The following NCK2 variants were observed in gnomAD, a reference collection of about 807,000 sequenced individuals.
The protein encoded by NCK2 is cytoplasmic protein NCK2.
A neutral mutation model predicts 33.9 loss-of-function variants in NCK2; 16 were observed. The observed-to-expected ratio is 0.47, with a 90% CI of 0.32 to 0.72. NCK2 has a LOEUF of 0.72. Among genes scored for constraint, NCK2 ranks in the 30% least tolerant of loss-of-function variants. The probability of loss-of-function intolerance (pLI) is 0.03; values close to 1 mark genes in which losing one functional copy is unlikely to be tolerated. For missense variants in NCK2, 418 were observed against 537.3 expected, an observed-to-expected ratio of 0.78 and a Z score of 2.19; for synonymous variants, 273 against 239.9, an observed-to-expected ratio of 1.14 and a Z score of -1.27.
rs547469297 is a variant in NCK2, at chr2:105,867,223, CTG to C, written c.226+11937_226+11938del. On this transcript the variant is annotated intron_variant, in intron 3 of 4. Coordinates refer to ENST00000233154, the MANE Select transcript of NCK2 (RefSeq NM_003581.5). ...TCTTTATCACGCTAAGACAAGGACT[CTG>C]TGGGTTTTCAGAGATGCATTTAATA... Among the ~76,000 whole-genome samples the C allele has an allele frequency of 1.2e-4, 18 of 152,326 alleles. No individual in the cohort carries two copies. The South Asian group carries it at 1.9e-3, about 16-fold the overall frequency.
At chr2:105,818,712 C>T (rs972842035) in intron 2 of NCK2, among the ~76,000 whole-genome samples, 5 of 152,066 alleles carry the variant, frequency 3.3e-5, no homozygotes, top group Non-Finnish European at 7.4e-5. Flanking sequence ...TAATTTGCTT[C>T]TATTATTTGC....
rs537631340 is a variant in NCK2, at chr2:105,775,486, C to G, written c.-201+30348C>G. ...TTGAACTTAATCATTTTTCCTCTGA[C>G]TTGCTTATTTTTTTCAGTTGTCATT... On this transcript the variant is annotated intron_variant, in intron 1 of 4. Transcript: ENST00000233154. 2.6e-5 allele frequency among the ~76,000 whole-genome samples: 4 copies of G among 152,208 alleles called. No homozygotes were observed. The South Asian group carries it at 8.3e-4, about 32-fold the overall frequency.
At chr2:105,806,851 C>G (rs566662018) in intron 1 of NCK2, among the ~76,000 whole-genome samples, 3 of 152,168 alleles carry the variant, frequency 2.0e-5, no homozygotes, top group Non-Finnish European at 4.4e-5. Context: ...AAAAACCCAA[C>G]CAACCATCCT....
chr2:105,750,848 A>G (rs574526355), intron 1 of NCK2, among the ~76,000 whole-genome samples: 8 of 152,358 alleles, frequency 5.3e-5, no homozygotes, highest in Non-Finnish European at 1.0e-4. Context: ...GAGCAAAGCA[A>G]GAGGTGGGGC....
At chr2:105,856,113 C>A (rs769652105) in intron 3 of NCK2, among the ~76,000 whole-genome samples, 1 of 152,176 alleles carries the variant, frequency 6.6e-6, no homozygotes, top group South Asian at 2.1e-4. Flanking sequence ...GGATTACAGG[C>A]GTGAGCCACC....
chr2:105,869,026 A>G (rs1288719081), intron 3 of NCK2, among the ~76,000 whole-genome samples: 1 of 152,100 alleles, frequency 6.6e-6, no homozygotes, highest in African/African-American at 2.4e-5. Flanking sequence ...TGTCTCAGTA[A>G]CGTTTGTTTG....
intron 3 of NCK2, among the ~76,000 whole-genome samples, chr2:105,879,490 A>G (rs571842102): frequency 2.0e-5 from 3 of 152,400 alleles, no homozygotes; most frequent in Middle Eastern, 3.4e-3. Context: ...GTGTTTTTAT[A>G]TAAGTTAACA....
At chr2:105,892,666 C>T (rs560104428) in intron 4 of NCK2, among the ~76,000 whole-genome samples, 24 of 152,048 alleles carry the variant, frequency 1.6e-4, no homozygotes, top group Non-Finnish European at 7.4e-5. Context: ...GCCAACATGG[C>T]GAAACCCTGT....
chr2:105,869,653 C>T (rs1030576682), intron 3 of NCK2, among the ~76,000 whole-genome samples: 4 of 152,156 alleles, frequency 2.6e-5, no homozygotes, highest in African/African-American at 7.2e-5. Context: ...GAACAGCAGG[C>T]GTGCTGAACT....
intron 2 of NCK2, among the ~76,000 whole-genome samples, chr2:105,822,310 G>A (rs1675772448): frequency 6.6e-6 from 1 of 151,990 alleles, no homozygotes; most frequent in Non-Finnish European, 1.5e-5. Context: ...CAGCTCCTGT[G>A]GCTTCCAGCT....
At chr2:105,891,106 C>T (rs543797429) in intron 4 of NCK2, among the ~76,000 whole-genome samples, 48 of 152,340 alleles carry the variant, frequency 3.2e-4, no homozygotes, top group Non-Finnish European at 2.5e-4. Context: ...GCTCTCCTGC[C>T]CCCACACGCA....
intron 1 of NCK2, among the ~76,000 whole-genome samples, chr2:105,808,176 G>A (rs1191687954): frequency 1.3e-5 from 2 of 152,158 alleles, no homozygotes; most frequent in Non-Finnish European, 2.9e-5. Context: ...GGGATTACAG[G>A]CGTGAGCCAC....
chr2:105,838,613 A>G (rs921883879), intron 2 of NCK2, among the ~76,000 whole-genome samples: 3 of 152,250 alleles, frequency 2.0e-5, no homozygotes, highest in Non-Finnish European at 1.5e-5. Context: ...GAATATATCA[A>G]GAAGTGGGAT....
At chr2:105,782,894 C>T (rs1220304299) in intron 1 of NCK2, among the ~76,000 whole-genome samples, 27 of 152,176 alleles carry the variant, frequency 1.8e-4, no homozygotes, top group Admixed American at 1.8e-3. Flanking sequence ...GCGTAGGGGG[C>T]AGTTACTCCA....
At chr2:105,816,178 T>C (rs1164492006) in intron 1 of NCK2, among the ~76,000 whole-genome samples, 2 of 152,196 alleles carry the variant, frequency 1.3e-5, no homozygotes, top group South Asian at 2.1e-4. Context: ...GGTGGTGGCA[T>C]GCCTGTGGTC....
chr2:105,827,043 A>T (rs559003718), intron 2 of NCK2, among the ~76,000 whole-genome samples: 1 of 152,002 alleles, frequency 6.6e-6, no homozygotes, highest in South Asian at 2.1e-4. Flanking sequence ...TCTGTTGCCC[A>T]GGCTGGAGTG....
chr2:105,820,671 G>T (rs1316555060), intron 2 of NCK2, among the ~76,000 whole-genome samples: 1 of 152,164 alleles, frequency 6.6e-6, no homozygotes, highest in Non-Finnish European at 1.5e-5. Context: ...AATTCTTCCC[G>T]TGTGTACTTG....
chr2:105,865,263 T>C (rs1677701239), intron 3 of NCK2, among the ~76,000 whole-genome samples: 1 of 152,200 alleles, frequency 6.6e-6, no homozygotes, highest in African/African-American at 2.4e-5. Flanking sequence ...AATATGTTTT[T>C]ATTTCATCTT....
At chr2:105,794,368 T>TA (rs1422057362) in intron 1 of NCK2, among the ~76,000 whole-genome samples, 1 of 152,200 alleles carries the variant, frequency 6.6e-6, no homozygotes, top group Non-Finnish European at 1.5e-5. Context: ...TTTGATTTTA[T>TA]ATTTCCTTTA....
Sources: gnomAD v4.1 joint callset for allele counts (sites outside exome capture counted in the v4.1 genomes callset) on GRCh38, gnomAD v4.1.1 for gene constraint, MANE v1.5 for transcripts, NCBI Gene and HGNC (gene_info 2026-07-23, HGNC 2026-07-21) for gene names.